CYP26C1: variants seen among roughly 807,000 people sequenced by gnomAD.
CYP26C1 encodes cytochrome P450 26C1.
A neutral mutation model predicts 39.1 loss-of-function variants in CYP26C1; 41 were observed. The ratio of observed to expected loss-of-function variants is 1.05; its 90% CI spans 0.82 to 1.36. The LOEUF (loss-of-function observed/expected upper bound fraction) is 1.36, where lower values mean the gene tolerates loss of function less well. Ranked by LOEUF, CYP26C1 falls within the 40% of genes most tolerant of loss-of-function variation. The probability of loss-of-function intolerance (pLI) is 0.00; values close to 1 mark genes in which losing one functional copy is unlikely to be tolerated. For missense variants in CYP26C1, 833 were observed against 752.0 expected (o/e 1.11, Z -1.26); for synonymous variants, 362 against 350.8 (o/e 1.03, Z -0.36).
intron 3 of CYP26C1, chr10:93,063,784 A>AG: frequency 1.0e-6 from 1 of 983,822 alleles, no homozygotes; most frequent in Non-Finnish European, 1.2e-6. Context: ...CACCGTTAGT[A>AG]GGGGCACGAA....
At position 93,060,973 on chromosome 10, in the gene CYP26C1, A is replaced by G; in HGVS notation, c.-291A>G. Reference sequence around the variant, plus strand: ...CGGGAGTGAGCGTTCCCGAGGCAGCAGGCACCTTCGAGAGGGACTGGCATT... The same window carrying G: ...CGGGAGTGAGCGTTCCCGAGGCAGCGGGCACCTTCGAGAGGGACTGGCATT... On this transcript the variant is annotated 5_prime_UTR_variant, in exon 1 of 6. Coordinates refer to ENST00000651965, the MANE Select transcript of CYP26C1 (RefSeq NM_183374.3). The G allele has an allele frequency of 2.3e-6, 1 of 442,988 alleles. No individual in the cohort carries two copies. Among genetic ancestry groups the G allele is most frequent in the Non-Finnish European group, 4.0e-6 (1 of 251,454 alleles). 27.4% of individuals were successfully genotyped at this position (442,988 alleles called of 1,614,324 possible).
At chr10:93,063,112 G>C (rs1450116480) in intron 3 of CYP26C1, 117 bp downstream of exon 3, 1 of 1,440,528 alleles carries the variant, frequency 6.9e-7, no homozygotes, top group Admixed American at 2.7e-5. Flanking sequence ...TGCTGGGAAC[G>C]GCGGCAGGGC....
At chr10:93,066,623 C>G (rs947490700) in intron 5 of CYP26C1, among the ~76,000 whole-genome samples, 11 of 152,180 alleles carry the variant, frequency 7.2e-5, no homozygotes, top group Admixed American at 5.9e-4. Context: ...TGCAGCACCC[C>G]CTCCCAGCCA....
rs61729502 is a variant in CYP26C1, at chr10:93,068,529, C to G, written c.1401C>G (p.Ala467=). 2.8e-3 allele frequency: 4,432 copies of G among 1,602,128 alleles called. 9 individuals are homozygous for G. Among genetic ancestry groups the G allele is most frequent in the Non-Finnish European group, 3.4e-3 (3,988 of 1,174,756 alleles). The change falls in exon 6 of 6, where the codon GCC becomes GCG. Residue 467 remains alanine (A), a synonymous_variant. Transcript: ENST00000651965. ...RSCLGQELAQ[A]VLQLLAVELV... Reference sequence around the variant, plus strand: ...GCCTCGGCCAGGAGCTGGCGCAAGCCGTGCTCCAGCTGCTAGCTGTGGAGC... The same window carrying G: ...GCCTCGGCCAGGAGCTGGCGCAAGCGGTGCTCCAGCTGCTAGCTGTGGAGC...
chr10:93,061,663 C>A (rs1205493299), intron 1 of CYP26C1, among the ~76,000 whole-genome samples, 196 bp downstream of exon 1: 1 of 152,070 alleles, frequency 6.6e-6, no homozygotes, highest in Non-Finnish European at 1.5e-5. Context: ...CACTGGAATT[C>A]CCCCCAGAGC....
At position 93,062,984 on chromosome 10, in the gene CYP26C1, G is replaced by T; in HGVS notation, c.694G>T (p.Gly232Cys). 1 of 1,575,832 alleles carries T rather than the reference G, an allele frequency of 6.3e-7. No individual in the cohort carries two copies. Residue 232 changes from glycine (G) to cysteine (C), a missense_variant, in exon 3 of 6, where the codon GGC (glycine) becomes TGC (cysteine). Physicochemically the swap from Gly to Cys is radical, Grantham distance 159 (BLOSUM62 -3). Transcript: ENST00000651965. ...FSLPLDVPFSGLRKGIRARDQ... is the reference protein window; with the variant it reads ...FSLPLDVPFSCLRKGIRARDQ... ...ACTGCCTCTGGACGTTCCCTTCAGTGGCCTACGCAAGGTACGGCCGCCCCG... is the reference window on the plus strand; with the variant it reads ...ACTGCCTCTGGACGTTCCCTTCAGTTGCCTACGCAAGGTACGGCCGCCCCG...
At chr10:93,068,265 G>C (rs1019008285) in intron 5 of CYP26C1, 55 bp from the exon 6 acceptor site, 56 of 1,481,690 alleles carry the variant, frequency 3.8e-5, no homozygotes, top group African/African-American at 4.3e-5. Context: ...TCAGTTCAGG[G>C]CCCCCCCGTT....
At chr10:93,066,737 G>C (rs1183017733) in intron 5 of CYP26C1, among the ~76,000 whole-genome samples, 4 of 152,226 alleles carry the variant, frequency 2.6e-5, no homozygotes, top group African/African-American at 9.6e-5. Flanking sequence ...ACCGGTCCAG[G>C]GTTCTGGCTG....
At position 93,066,151 on chromosome 10, in the gene CYP26C1, G is replaced by C; in HGVS notation, c.1057G>C (p.Gly353Arg). The change falls in exon 5 of 6, where the codon GGC becomes CGC. Residue 353 changes from glycine to arginine, a missense_variant. Transcript: ENST00000651965. ...CAGCGAGGGGCCCCCGCCCGACTGC[G>C]GCTGCGAGCCCGACCTCAGCCTCGC... is the stretch of plus-strand genomic sequence containing the variant. ...GGSEGPPPDC[G>R]CEPDLSLAAL... The C allele has an allele frequency of 7.2e-7, 1 of 1,384,030 alleles. No homozygotes were observed. Among genetic ancestry groups the C allele is most frequent in the Non-Finnish European group, 9.4e-7 (1 of 1,069,032 alleles). The allele number at this position is 1,384,030 out of a possible 1,614,324, so 85.7% of individuals were successfully genotyped here. A position where few individuals can be genotyped will look rare whatever the true frequency, so the allele number is the denominator to read the frequency against.
At chr10:93,063,274 C>A in intron 3 of CYP26C1, 2 of 1,193,760 alleles carry the variant, frequency 1.7e-6, no homozygotes, top group East Asian at 3.6e-5. Flanking sequence ...CGCGGGCCGC[C>A]AGAGTTTGGG....
chr10:93,063,655 G>T (rs920089243), intron 3 of CYP26C1: 1 of 985,356 alleles, frequency 1.0e-6, no homozygotes, highest in Admixed American at 6.1e-5. Flanking sequence ...TATGTGTAAA[G>T]GATCATGCTA....
chr10:93,061,203 C>A lies in CYP26C1; in HGVS notation c.-61C>A. 6 of 1,526,438 alleles carry A rather than the reference C, an allele frequency of 3.9e-6. No homozygotes were observed. In the South Asian group the frequency reaches 7.2e-5, roughly 18 times the overall value. The allele number at this position is 1,526,438 out of a possible 1,614,324, so 94.6% of individuals were successfully genotyped here. Reference sequence around the variant, plus strand: ...GTGAGCACTGCGCACTGCTCGCGCCCCGGTTCTTGCGTCCCCTGCTCTCCC... The same window carrying A: ...GTGAGCACTGCGCACTGCTCGCGCCACGGTTCTTGCGTCCCCTGCTCTCCC... On this transcript the variant is annotated 5_prime_UTR_variant, in exon 1 of 6. Coordinates refer to ENST00000651965, the MANE Select transcript of CYP26C1 (RefSeq NM_183374.3).
intron 5 of CYP26C1, among the ~76,000 whole-genome samples, chr10:93,068,115 G>C (rs550527553): frequency 6.6e-6 from 1 of 152,232 alleles, no homozygotes; most frequent in Non-Finnish European, 1.5e-5. Context: ...AGCTCAGAGA[G>C]GCTGCGCATC....
chr10:93,068,742 G>T lies in CYP26C1; in HGVS notation c.*45G>T, dbSNP rs1161015777. On this transcript the variant is annotated 3_prime_UTR_variant, in exon 6 of 6. Transcript: ENST00000651965. ...ACGGCTTGGCCGGTGGCTATGGCGCGCACGCAGCGCCACCCATCTGCCGCT... is the reference window on the plus strand; with the variant it reads ...ACGGCTTGGCCGGTGGCTATGGCGCTCACGCAGCGCCACCCATCTGCCGCT... 4 of 1,463,548 alleles carry T rather than the reference G, an allele frequency of 2.7e-6. No homozygotes were observed. Among genetic ancestry groups the T allele is most frequent in the Non-Finnish European group, 9.0e-7 (1 of 1,109,034 alleles). The allele number at this position is 1,463,548 out of a possible 1,614,324, so 90.7% of individuals were successfully genotyped here. A position where few individuals can be genotyped will look rare whatever the true frequency, so the allele number is the denominator to read the frequency against.
Position 93,062,171 on chromosome 10 carries a change from C to A in CYP26C1, c.366C>A (p.His122Gln). ...LVRSQWPQSA[H>Q]ILLGSHTLLG... The stretch of plus-strand genomic sequence containing the variant: ...GCAGCCAGTGGCCGCAGAGTGCGCA[C>A]ATCCTGCTGGGCTCGCACACACTGC... The change falls in exon 2 of 6, where the codon CAC becomes CAA. Residue 122 changes from histidine (H) to glutamine (Q), a missense_variant. Physicochemically the swap from His to Gln is conservative, Grantham distance 24 (BLOSUM62 0). Coordinates refer to ENST00000651965, the MANE Select transcript of CYP26C1 (RefSeq NM_183374.3). 6.5e-7 allele frequency: 1 copy of A among 1,538,616 alleles called. No homozygotes were observed.
At position 93,065,961 on chromosome 10, in the gene CYP26C1, G is replaced by C; in HGVS notation, c.867G>C (p.Ser289=). ...HEPSMQELKE[S]AVELLFAAFF... is the part of the protein sequence containing the mutation. ...AGCCCGGGGCTGTCTTGCAGGAGTCGGCTGTGGAGCTCCTCTTCGCCGCCT... is the reference window on the plus strand; with the variant it reads ...AGCCCGGGGCTGTCTTGCAGGAGTCCGCTGTGGAGCTCCTCTTCGCCGCCT... Residue 289 remains serine, a synonymous_variant, in exon 5 of 6, where the codon TCG becomes TCC. Transcript: ENST00000651965. The C allele has an allele frequency of 1.3e-6, 2 of 1,580,766 alleles. No individual in the cohort carries two copies. The highest frequency in any genetic ancestry group is 1.7e-6 in the Non-Finnish European group (2 of 1,165,434).
In CYP26C1 at chr10:93,060,957, GCGTTC is replaced by G. The variant is rs1846737592; in HGVS notation, c.-305_-301del. On this transcript the variant is annotated 5_prime_UTR_variant, in exon 1 of 6. Transcript: ENST00000651965. ...AGGTGCCCCGCGGAGCCGGGAGTGA[GCGTTC>G]CCGAGGCAGCAGGCACCTTCGAGAG... The G allele has an allele frequency of 2.4e-6, 1 of 414,492 alleles. No individual in the cohort carries two copies. Among genetic ancestry groups the G allele is most frequent in the Admixed American group, 4.6e-5 (1 of 21,618 alleles). 25.7% of individuals were successfully genotyped at this position (414,492 alleles called of 1,614,324 possible). A position where few individuals can be genotyped will look rare whatever the true frequency, so the allele number is the denominator to read the frequency against.
Position 93,068,587 on chromosome 10 carries a change from C to T in CYP26C1, c.1459C>T (p.Pro487Ser). 1 of 1,594,228 alleles carries T rather than the reference C, an allele frequency of 6.3e-7. No homozygotes were observed. The highest frequency in any genetic ancestry group is 1.1e-5 in the South Asian group (1 of 88,640). ...VRTARWELAT[P>S]AFPAMQTVPI... is the part of the protein sequence containing the mutation. ...CACCGCGCGCTGGGAACTGGCCACA[C>T]CCGCCTTCCCCGCCATGCAGACGGT... The change falls in exon 6 of 6, where the codon CCC becomes TCC. Residue 487 changes from proline to serine, a missense_variant. Transcript: ENST00000651965.
intron 2 of CYP26C1, 106 bp from the exon 3 acceptor site, chr10:93,062,614 G>T (rs1846765641): frequency 3.8e-6 from 4 of 1,065,990 alleles, no homozygotes; most frequent in Non-Finnish European, 3.8e-6. Flanking sequence ...GGTCTGGGCC[G>T]CTTGGAAGAG....
Sources: gnomAD v4.1 joint callset for allele counts (sites outside exome capture counted in the v4.1 genomes callset) on GRCh38, gnomAD v4.1.1 for gene constraint, MANE v1.5 for transcripts, NCBI Gene and HGNC (gene_info 2026-07-23, HGNC 2026-07-21) for gene names.